CACNB2: variants seen among roughly 807,000 people sequenced by gnomAD.
CACNB2 encodes the protein voltage-dependent L-type calcium channel subunit beta-2.
CACNB2 carries 42 observed loss-of-function variants against 73.3 expected under a neutral mutation model. That is an observed-to-expected ratio of 0.57 (90% CI 0.45 to 0.74). The LOEUF (loss-of-function observed/expected upper bound fraction) is 0.74. Ranked by LOEUF, CACNB2 falls within the 30% of genes least tolerant of loss-of-function variation. The pLI, the probability that CACNB2 is intolerant of heterozygous loss-of-function variation, is 0.00. For missense variants in CACNB2, 940 were observed against 853.0 expected (o/e 1.10, Z -1.27); for synonymous variants, 348 against 310.3 (o/e 1.12, Z -1.28).
At chr10:18,297,432 C>T (rs2039323056) in intron 2 of CACNB2, among the ~76,000 whole-genome samples, 1 of 151,990 alleles carries the variant, frequency 6.6e-6, no homozygotes, top group Non-Finnish European at 1.5e-5. Flanking sequence ...TGGCTGTATG[C>T]CTGTAGTTCC....
chr10:18,219,919 A>C (rs1387266865), intron 2 of CACNB2, among the ~76,000 whole-genome samples: 2 of 149,824 alleles, frequency 1.3e-5, no homozygotes, highest in African/African-American at 4.9e-5. Context: ...GATGCCCGCC[A>C]CCATGCCTGG....
chr10:18,371,602 T>C (rs4636554), intron 2 of CACNB2, among the ~76,000 whole-genome samples: 9 of 152,222 alleles, frequency 5.9e-5, no homozygotes, highest in African/African-American at 1.9e-4. Context: ...CAGTCTATCA[T>C]TGTTGGACAT....
At chr10:18,475,887 A>G (rs941907423) in intron 3 of CACNB2, among the ~76,000 whole-genome samples, 3 of 152,186 alleles carry the variant, frequency 2.0e-5, no homozygotes, top group Admixed American at 6.5e-5. Flanking sequence ...CTAGAAAGGG[A>G]TCCCAATACA....
Position 18,468,007 on chromosome 10 carries a change from A to G in CACNB2, c.334-30348A>G, listed in dbSNP as rs181718478. 1.4e-4 allele frequency among the ~76,000 whole-genome samples: 22 copies of G among 152,324 alleles called. No homozygotes were observed. In the East Asian group the frequency reaches 4.0e-3, roughly 28 times the overall value. On this transcript the variant is annotated intron_variant, in intron 3 of 13. Coordinates refer to ENST00000324631, the MANE Select transcript of CACNB2 (RefSeq NM_201596.3). Reference sequence around the variant, plus strand: ...AATTAAAGAAATGAATGAATTCACAATGTATGACTTGGGCCTTAAGGAAGA... The same window carrying G: ...AATTAAAGAAATGAATGAATTCACAGTGTATGACTTGGGCCTTAAGGAAGA...
At chr10:18,165,498 C>T (rs1424451807) in intron 2 of CACNB2, among the ~76,000 whole-genome samples, 4 of 152,190 alleles carry the variant, frequency 2.6e-5, no homozygotes, top group Admixed American at 1.3e-4. Context: ...CTGTGACCTC[C>T]GCCTCCCAGG....
intron 1 of CACNB2, among the ~76,000 whole-genome samples, chr10:18,146,562 C>T (rs1383168389): frequency 6.6e-6 from 1 of 152,000 alleles, no homozygotes; most frequent in East Asian, 1.9e-4. Context: ...ACTGCAACCT[C>T]CACCTCCTGG....
chr10:18,276,162 T>C (rs531795239), intron 2 of CACNB2, among the ~76,000 whole-genome samples: 83 of 152,356 alleles, frequency 5.4e-4, no homozygotes, highest in African/African-American at 1.9e-3. Context: ...TTACAGACTT[T>C]GGGCAAAAGT....
intron 2 of CACNB2, among the ~76,000 whole-genome samples, chr10:18,357,800 C>G (rs1589130648): frequency 6.6e-6 from 1 of 152,112 alleles, no homozygotes; most frequent in Non-Finnish European, 1.5e-5. Context: ...AGGTGTATTC[C>G]TAGCCACTGT....
intron 3 of CACNB2, among the ~76,000 whole-genome samples, chr10:18,459,958 A>C (rs1213687170): frequency 6.6e-6 from 1 of 152,206 alleles, no homozygotes; most frequent in Non-Finnish European, 1.5e-5. Flanking sequence ...AGATCGCACC[A>C]CTGCACTCCA....
chr10:18,275,423 G>A (rs1225751149), intron 2 of CACNB2, among the ~76,000 whole-genome samples: 1 of 152,146 alleles, frequency 6.6e-6, no homozygotes, highest in African/African-American at 2.4e-5. Flanking sequence ...TTGAATATCA[G>A]CTTCTAGGAG....
At chr10:18,461,347 C>T (rs2047564863) in intron 3 of CACNB2, among the ~76,000 whole-genome samples, 1 of 152,190 alleles carries the variant, frequency 6.6e-6, no homozygotes, top group African/African-American at 2.4e-5. Context: ...CTTGCTGTAA[C>T]AGATCACTCT....
intron 2 of CACNB2, among the ~76,000 whole-genome samples, chr10:18,380,748 C>G (rs1009608671): frequency 6.6e-6 from 1 of 151,956 alleles, no homozygotes; most frequent in African/African-American, 2.4e-5. Context: ...AGCCACCACG[C>G]CCCGCCAAAA....
intron 3 of CACNB2, among the ~76,000 whole-genome samples, chr10:18,464,988 G>A (rs2047798573): frequency 6.6e-6 from 1 of 152,204 alleles, no homozygotes; most frequent in Admixed American, 6.5e-5. Context: ...GGGACTTGTT[G>A]AGCTGTGGGA....
chr10:18,153,044 G>T (rs897387593), intron 2 of CACNB2, among the ~76,000 whole-genome samples: 2 of 152,142 alleles, frequency 1.3e-5, no homozygotes, highest in African/African-American at 4.8e-5. Flanking sequence ...AAGTAAACTG[G>T]AATTTGTTTT....
chr10:18,404,978 T>C (rs1010106455), intron 3 of CACNB2, among the ~76,000 whole-genome samples: 2 of 152,218 alleles, frequency 1.3e-5, no homozygotes, highest in African/African-American at 4.8e-5. Context: ...GTTCCAAATG[T>C]GTGTTTTGAT....
intron 2 of CACNB2, among the ~76,000 whole-genome samples, chr10:18,368,444 G>A (rs2042444039): frequency 6.6e-6 from 1 of 152,138 alleles, no homozygotes; most frequent in Admixed American, 6.6e-5. Context: ...ATGCAGAAAT[G>A]CATCCAATAT....
chr10:18,237,215 T>A (rs1156907583), intron 2 of CACNB2, among the ~76,000 whole-genome samples: 4 of 152,174 alleles, frequency 2.6e-5, no homozygotes. Flanking sequence ...AGAAAGTATG[T>A]TGAGGTCATA....
intron 10 of CACNB2, among the ~76,000 whole-genome samples, chr10:18,532,470 T>C (rs1284907496): frequency 1.3e-5 from 2 of 151,890 alleles, no homozygotes; most frequent in African/African-American, 4.8e-5. Context: ...GTCAGGAGTT[T>C]GAGACCAGCC....
chr10:18,235,388 G>T (rs892431425), intron 2 of CACNB2, among the ~76,000 whole-genome samples: 1 of 151,792 alleles, frequency 6.6e-6, no homozygotes, highest in South Asian at 2.1e-4. Context: ...ATCCTAGAAG[G>T]TTAAGGCTGC....
Sources: allele counts gnomAD v4.1 joint callset (sites outside exome capture counted in the v4.1 genomes callset), GRCh38; gene constraint gnomAD v4.1.1; transcripts MANE v1.5; gene names NCBI Gene and HGNC (gene_info 2026-07-23, HGNC 2026-07-21).